Variants in PRKCG observed in about 807,000 individuals in gnomAD.
The protein encoded by PRKCG is protein kinase C gamma type.
PRKCG carries 28 observed loss-of-function variants against 82.0 expected under a neutral mutation model. The observed-to-expected ratio is 0.34, with a 90% CI of 0.25 to 0.47. The LOEUF (loss-of-function observed/expected upper bound fraction) is 0.47, where lower values mean the gene tolerates loss of function less well. Ranked by LOEUF, PRKCG falls within the 20% of genes least tolerant of loss-of-function variation. PRKCG has a pLI of 1.00. For missense variants in PRKCG, 640 were observed against 952.7 expected (o/e 0.67, Z 4.32); for synonymous variants, 383 against 376.6 (o/e 1.02, Z -0.20).
At chr19:53,890,486 GA>G (rs1359944228) in intron 5 of PRKCG, among the ~76,000 whole-genome samples, 1 of 151,904 alleles carries the variant, frequency 6.6e-6, no homozygotes, top group Non-Finnish European at 1.5e-5. Context: ...TCGAACTCCT[GA>G]CCCCAGGTGA....
At position 53,900,873 on chromosome 19, in the gene PRKCG, C is replaced by A; in HGVS notation, c.1575+124C>A. The A allele has an allele frequency of 6.6e-7, 1 of 1,511,846 alleles. No individual in the cohort carries two copies. The highest frequency in any genetic ancestry group is 1.7e-5 in the Admixed American group (1 of 59,756). The allele number at this position is 1,511,846 out of a possible 1,614,324, so 93.7% of individuals were successfully genotyped here. A position where few individuals can be genotyped will look rare whatever the true frequency, so the allele number is the denominator to read the frequency against. On this transcript the variant is annotated intron_variant, in intron 14 of 17. Transcript: ENST00000263431. The surrounding 1 kb of genome is among the most constrained non-coding windows in gnomAD (Gnocchi z 4.2). ...CTTGTCATGAGTTGTGGCCTTCTTA[C>A]ACAGCCAGTCGTTCCTCCAGCCTCC... is the stretch of plus-strand genomic sequence containing the variant.
intron 11 of PRKCG, among the ~76,000 whole-genome samples, chr19:53,898,973 TG>T (rs1409314969): frequency 6.7e-4 from 13 of 19,360 alleles, no homozygotes; most frequent in African/African-American, 5.6e-4. Context: ...ATGAAATCTT[TG>T]GGGGGGTGGT....
At chr19:53,891,503 C>T (rs1297977307) in intron 5 of PRKCG, among the ~76,000 whole-genome samples, 171 bp from the exon 6 acceptor site, 2 of 149,882 alleles carry the variant, frequency 1.3e-5, no homozygotes, top group Non-Finnish European at 3.0e-5. Flanking sequence ...AGGATGGTCT[C>T]GATCTCCTGA....
Position 53,883,310 on chromosome 19 carries a change from CG to C in PRKCG, c.202+120del. 2 of 1,282,430 alleles carry C rather than the reference CG, an allele frequency of 1.6e-6. No individual in the cohort carries two copies. The highest frequency in any genetic ancestry group is 2.2e-6 in the Non-Finnish European group (2 of 898,974). 79.4% of individuals were successfully genotyped at this position (1,282,430 alleles called of 1,614,324 possible). ...GTCCCCAGAGAGGCGCGGGGGAGCC[CG>C]GGGCGGGGGGTGTGGCAGAGACACA... On this transcript the variant is annotated intron_variant, in intron 2 of 17. Transcript: ENST00000263431. The surrounding 1 kb of genome is among the most constrained non-coding windows in gnomAD (Gnocchi z 5.4).
intron 9 of PRKCG, among the ~76,000 whole-genome samples, chr19:53,895,990 G>A (rs2123004605): frequency 6.6e-6 from 1 of 151,672 alleles, no homozygotes; most frequent in South Asian, 2.1e-4. Flanking sequence ...AACCTGGGAG[G>A]TGGAGCTTGC....
chr19:53,892,410 C>T lies in PRKCG; in HGVS notation c.687-99C>T. On this transcript the variant is annotated intron_variant, in intron 6 of 17. Transcript: ENST00000263431. This position sits in a 1 kb window ranked among gnomAD's most constrained non-coding sequence, Gnocchi z 5.9. ...GACCGACAAAGCAGGAGAGGAGCCC[C>T]AGCTGGCTGGGTTTGCCCCCACCTC... is the stretch of plus-strand genomic sequence containing the variant. 1.1e-5 allele frequency: 17 copies of T among 1,527,940 alleles called. No individual in the cohort carries two copies. The highest frequency in any genetic ancestry group is 1.5e-5 in the Non-Finnish European group (17 of 1,137,636). 94.6% of individuals were successfully genotyped at this position (1,527,940 alleles called of 1,614,324 possible).
chr19:53,905,069 G>A (rs2068791811), intron 16 of PRKCG, among the ~76,000 whole-genome samples: 1 of 152,144 alleles, frequency 6.6e-6, no homozygotes, highest in African/African-American at 2.4e-5. Context: ...CTTCCTGTGT[G>A]AACTTGGGTG....
chr19:53,889,479 C>G lies in PRKCG; in HGVS notation c.286-159C>G, dbSNP rs2068655037. On this transcript the variant is annotated intron_variant, in intron 3 of 17. Coordinates refer to ENST00000263431, the MANE Select transcript of PRKCG (RefSeq NM_002739.5). The surrounding 1 kb of genome is among the most constrained non-coding windows in gnomAD (Gnocchi z 4.4). Reference sequence around the variant, plus strand: ...TCCCCACACCAAGAACAGTCCCTGGCACACAGCAGGTGCTCAATGATTATT... The same window carrying G: ...TCCCCACACCAAGAACAGTCCCTGGGACACAGCAGGTGCTCAATGATTATT... Among the ~76,000 whole-genome samples, 1 of 151,784 alleles carries G rather than the reference C, an allele frequency of 6.6e-6. No individual in the cohort carries two copies. Among genetic ancestry groups the G allele is most frequent in the African/African-American group, 2.4e-5 (1 of 41,252 alleles).
At chr19:53,891,554 T>A in intron 5 of PRKCG, 120 bp from the exon 6 acceptor site, 1 of 1,283,782 alleles carries the variant, frequency 7.8e-7, no homozygotes, top group Admixed American at 1.7e-5. Flanking sequence ...AGTGCTGGGA[T>A]TACAGGCATG....
rs375936680 is a variant in PRKCG, at chr19:53,889,940, G to A, written c.452G>A (p.Gly151Asp). ...GTGCGTAGCGTGCCCTCCCTGTGCG[G>A]TGTGGACCACACCGAGCGCCGCGGG... is the stretch of plus-strand genomic sequence containing the variant. ...RCVRSVPSLC[G>D]VDHTERRGRL... The change falls in exon 5 of 18, where the codon GGT (glycine) becomes GAT (aspartate). Residue 151 changes from glycine (G) to aspartate (D), a missense_variant. Coordinates refer to ENST00000263431, the MANE Select transcript of PRKCG (RefSeq NM_002739.5). This position sits in a 1 kb window ranked among gnomAD's most constrained non-coding sequence, Gnocchi z 4.4. 1.3e-6 allele frequency: 2 copies of A among 1,581,492 alleles called. No homozygotes were observed. Among genetic ancestry groups the A allele is most frequent in the African/African-American group, 1.3e-5 (1 of 74,178 alleles).
intron 16 of PRKCG, among the ~76,000 whole-genome samples, chr19:53,906,078 CCTCCTCCTTCTT>C (rs1185433179): frequency 6.9e-5 from 3 of 43,792 alleles, no homozygotes; most frequent in Non-Finnish European, 1.1e-4. Context: ...TCCTCCTCCT[CCTCCTCCTTCTT>C]CTTCTTCTTC....
intron 11 of PRKCG, among the ~76,000 whole-genome samples, 172 bp downstream of exon 11, chr19:53,898,800 GGGCGTGGCCAGGCGAAGGGAC>G (rs1345503466): frequency 6.1e-5 from 8 of 131,256 alleles, no homozygotes; most frequent in South Asian, 3.0e-4. Flanking sequence ...GGTCCTTGGG[GGGCGTGGCCAGGCGAAGGGAC>G]TCATCGGGGG....
At chr19:53,901,742 T>C (rs1469301736) in intron 14 of PRKCG, among the ~76,000 whole-genome samples, 3 of 141,878 alleles carry the variant, frequency 2.1e-5, no homozygotes, top group Non-Finnish European at 4.6e-5. Flanking sequence ...CCCAGCTACT[T>C]GGGAGGCTGA....
intron 9 of PRKCG, among the ~76,000 whole-genome samples, chr19:53,894,706 C>G (rs562733538): frequency 6.6e-6 from 1 of 152,226 alleles, no homozygotes; most frequent in South Asian, 2.1e-4. Context: ...GTGATCCACC[C>G]GCCTTGGCCT....
rs1395783139 is a variant in PRKCG at position 53,882,372 on chromosome 19, T to A, written c.-123T>A. ...TCCGCACCTGGAGGTGCCTTGCCCC[T>A]CTCCTGCCCACCTCGGAATTTCCCT... On this transcript the variant is annotated 5_prime_UTR_variant, in exon 1 of 18. Transcript: ENST00000263431. This position sits in a 1 kb window ranked among gnomAD's most constrained non-coding sequence, Gnocchi z 6.1. 7.0e-7 allele frequency: 1 copy of A among 1,437,884 alleles called. No homozygotes were observed. Among genetic ancestry groups the A allele is most frequent in the East Asian group, 2.5e-5 (1 of 40,592 alleles). 89.1% of individuals were successfully genotyped at this position (1,437,884 alleles called of 1,614,324 possible). A position where few individuals can be genotyped will look rare whatever the true frequency, so the allele number is the denominator to read the frequency against.
intron 15 of PRKCG, among the ~76,000 whole-genome samples, chr19:53,904,417 C>T (rs905297692): frequency 7.1e-6 from 1 of 141,604 alleles, no homozygotes; most frequent in Admixed American, 7.3e-5. Context: ...CAGAGATGCA[C>T]AGATCTGAGG....
rs764159841 is a variant in PRKCG at position 53,892,577 on chromosome 19, G to C, written c.755G>C (p.Arg252Pro). Residue 252 changes from arginine to proline, a missense_variant, in exon 7 of 18, where the codon CGC becomes CCC. Transcript: ENST00000263431. The surrounding 1 kb of genome is among the most constrained non-coding windows in gnomAD (Gnocchi z 5.9). ...GTGTGGGACTGGGACCGGACCTCCC[G>C]CAACGACTTCATGGGGGCCATGTCC... ...VEVWDWDRTSRNDFMGAMSFG... is the reference protein window; with the variant it reads ...VEVWDWDRTSPNDFMGAMSFG... 2 of 1,613,562 alleles carry C rather than the reference G, an allele frequency of 1.2e-6. No homozygotes were observed. Among genetic ancestry groups the C allele is most frequent in the Non-Finnish European group, 1.7e-6 (2 of 1,179,996 alleles).
intron 11 of PRKCG, 57 bp downstream of exon 11, chr19:53,898,685 C>T (rs1373674642): frequency 1.3e-6 from 2 of 1,486,066 alleles, no homozygotes; most frequent in Non-Finnish European, 9.1e-7. Flanking sequence ...CAGTTCTGGA[C>T]ATCTGCGTTG....
At chr19:53,896,671 C>A (rs56905934) in intron 9 of PRKCG, among the ~76,000 whole-genome samples, 34 of 152,000 alleles carry the variant, frequency 2.2e-4, no homozygotes, top group Non-Finnish European at 4.1e-4. Context: ...CTGCCCACCT[C>A]GGCCTCCCAA....
Sources: allele counts gnomAD v4.1 joint callset (sites outside exome capture counted in the v4.1 genomes callset), GRCh38; gene constraint gnomAD v4.1.1; non-coding constraint Gnocchi (gnomAD v3.1); transcripts MANE v1.5; gene names NCBI Gene and HGNC (gene_info 2026-07-23, HGNC 2026-07-21).